The following DENND5B variants were observed in gnomAD, a reference collection of about 807,000 sequenced individuals.
DENND5B encodes DENN domain containing 5B, also known as DENN domain-containing protein 5B.
A neutral mutation model predicts 140.6 loss-of-function variants in DENND5B; 34 were observed. The ratio of observed to expected loss-of-function variants is 0.24; its 90% CI spans 0.18 to 0.32. DENND5B has a LOEUF of 0.32. Ranked by LOEUF, DENND5B falls within the 10% of genes least tolerant of loss-of-function variation. The probability of loss-of-function intolerance (pLI) is 1.00; values close to 1 mark genes in which losing one functional copy is unlikely to be tolerated. For synonymous variants in DENND5B, 551 were observed against 562.1 expected (o/e 0.98, Z 0.28); for missense variants, 1,142 against 1,560.2 (o/e 0.73, Z 4.52).
intron 17 of DENND5B, among the ~76,000 whole-genome samples, chr12:31,393,959 G>T (rs1941293015): frequency 6.6e-6 from 1 of 152,096 alleles, no homozygotes. Context: ...CAAAGTGCTG[G>T]GATTACAGGC....
intron 1 of DENND5B, among the ~76,000 whole-genome samples, chr12:31,568,153 C>T (rs992935807): frequency 2.0e-5 from 3 of 152,142 alleles, no homozygotes; most frequent in African/African-American, 7.2e-5. Context: ...AAATTCCATA[C>T]CTGAACTAAT....
At chr12:31,518,871 C>T (rs943598519) in intron 1 of DENND5B, among the ~76,000 whole-genome samples, 5 of 152,122 alleles carry the variant, frequency 3.3e-5, no homozygotes, top group Admixed American at 2.0e-4. Flanking sequence ...CAATTTTGTT[C>T]ATTCTTTATC....
chr12:31,474,083 C>CT (rs1189882130), intron 3 of DENND5B, among the ~76,000 whole-genome samples: 1 of 152,174 alleles, frequency 6.6e-6, no homozygotes, highest in Non-Finnish European at 1.5e-5. Context: ...TTCAAGAAAA[C>CT]TTTAAGTAGC....
intron 1 of DENND5B, among the ~76,000 whole-genome samples, chr12:31,545,500 G>C: frequency 6.6e-6 from 1 of 152,054 alleles, no homozygotes; most frequent in Non-Finnish European, 1.5e-5. Context: ...TGACAGCATG[G>C]TTTTAACAGT....
At chr12:31,537,111 A>C (rs763552052) in intron 1 of DENND5B, among the ~76,000 whole-genome samples, 2 of 152,232 alleles carry the variant, frequency 1.3e-5, no homozygotes, top group Non-Finnish European at 2.9e-5. Flanking sequence ...AAGGACACTA[A>C]TGAGCATTAA....
chr12:31,566,628 A>G lies in DENND5B; in HGVS notation c.127+24078T>C, dbSNP rs964004190. The stretch of plus-strand genomic sequence containing the variant: ...TACAATAATTTTTTAAAAATTTTTT[A>G]AAGAAAAAATATCTAAAGGAGAGTT... On this transcript the variant is annotated intron_variant, in intron 1 of 20. Coordinates refer to ENST00000389082, the MANE Select transcript of DENND5B (RefSeq NM_144973.4). 8.5e-5 allele frequency among the ~76,000 whole-genome samples: 13 copies of G among 152,196 alleles called. No homozygotes were observed. In the East Asian group the frequency reaches 9.6e-4, roughly 11 times the overall value.
intron 3 of DENND5B, among the ~76,000 whole-genome samples, chr12:31,467,587 C>T (rs1434590349): frequency 6.6e-6 from 1 of 151,964 alleles, no homozygotes; most frequent in Non-Finnish European, 1.5e-5. Flanking sequence ...CATCACTGCA[C>T]TCCAGCCTAG....
intron 1 of DENND5B, among the ~76,000 whole-genome samples, chr12:31,568,502 T>G (rs1014682291): frequency 6.6e-6 from 1 of 152,302 alleles, no homozygotes; most frequent in South Asian, 2.1e-4. Context: ...CACACTGATT[T>G]GTTAAAGGAC....
intron 1 of DENND5B, among the ~76,000 whole-genome samples, chr12:31,533,277 TACA>T (rs533359598): frequency 8.2e-4 from 124 of 152,098 alleles, no homozygotes; most frequent in Non-Finnish European, 1.3e-3. Flanking sequence ...AAAAAGCCAA[TACA>T]ACAACAAAAA....
intron 1 of DENND5B, among the ~76,000 whole-genome samples, chr12:31,553,296 A>T (rs1053082417): frequency 6.6e-6 from 1 of 151,992 alleles, no homozygotes; most frequent in African/African-American, 2.4e-5. Context: ...GAACATCTTT[A>T]TTTCTGCCTT....
In DENND5B at chr12:31,499,325, A is replaced by G. The variant is rs75612728; in HGVS notation, c.128-3406T>C. Among the ~76,000 whole-genome samples, 111 of 152,360 alleles carry G rather than the reference A, an allele frequency of 7.3e-4. 4 individuals carry two copies. In the East Asian group the frequency reaches 0.021, roughly 29 times the overall value. On this transcript the variant is annotated intron_variant, in intron 1 of 20. Coordinates refer to ENST00000389082, the MANE Select transcript of DENND5B (RefSeq NM_144973.4). Reference sequence around the variant, plus strand: ...ACTTAACTCCAAGTAACACTGCCAAATAACCTCCTACTAAATTGAAGCTGC... The same window carrying G: ...ACTTAACTCCAAGTAACACTGCCAAGTAACCTCCTACTAAATTGAAGCTGC...
intron 6 of DENND5B, 72 bp downstream of exon 6, chr12:31,447,466 G>A (rs7976644): frequency 0.54 from 716,601 of 1,330,976 alleles, 197,708 homozygotes; most frequent in East Asian, 0.85. Context: ...TTTGTTGTAC[G>A]TAAGGCCAGC....
chr12:31,469,346 A>G (rs112402170), intron 3 of DENND5B, among the ~76,000 whole-genome samples: 3 of 130,194 alleles, frequency 2.3e-5, no homozygotes, highest in Admixed American at 9.1e-5. Flanking sequence ...AAAAAAAAAA[A>G]AAGAAGAAGA....
chr12:31,524,424 G>T (rs545532754), intron 1 of DENND5B, among the ~76,000 whole-genome samples: 2 of 152,190 alleles, frequency 1.3e-5, no homozygotes, highest in African/African-American at 4.8e-5. Flanking sequence ...AGGCTGAGGT[G>T]GGCAAATCAC....
chr12:31,481,506 C>G (rs1946067695), intron 2 of DENND5B, among the ~76,000 whole-genome samples: 1 of 152,112 alleles, frequency 6.6e-6, no homozygotes, highest in African/African-American at 2.4e-5. Context: ...TAGGAAGACA[C>G]ACATTAGAAA....
intron 15 of DENND5B, among the ~76,000 whole-genome samples, chr12:31,402,163 A>G (rs1941833081): frequency 6.6e-6 from 1 of 151,928 alleles, no homozygotes; most frequent in South Asian, 2.1e-4. Flanking sequence ...AACATTTTAC[A>G]GTAGGGAGGA....
intron 1 of DENND5B, among the ~76,000 whole-genome samples, chr12:31,507,307 T>G (rs978471062): frequency 6.6e-6 from 1 of 152,138 alleles, no homozygotes; most frequent in Non-Finnish European, 1.5e-5. Flanking sequence ...CAGATGAGTT[T>G]TTATTTCTAT....
chr12:31,577,949 A>T (rs1346135593), intron 1 of DENND5B, among the ~76,000 whole-genome samples: 1 of 151,366 alleles, frequency 6.6e-6, no homozygotes, highest in Non-Finnish European at 1.5e-5. Flanking sequence ...ACATAGTGAA[A>T]CCCCATCTCT....
chr12:31,391,254 G>A (rs544468832), intron 19 of DENND5B, among the ~76,000 whole-genome samples: 1 of 152,266 alleles, frequency 6.6e-6, no homozygotes, highest in East Asian at 1.9e-4. Flanking sequence ...GCTTAGCACT[G>A]GCAGTGCTGT....
Sources: gnomAD v4.1 joint callset for allele counts (sites outside exome capture counted in the v4.1 genomes callset) on GRCh38, gnomAD v4.1.1 for gene constraint, MANE v1.5 for transcripts, NCBI Gene and HGNC (gene_info 2026-07-23, HGNC 2026-07-21) for gene names.